CHLSN: variants seen among roughly 807,000 people sequenced by gnomAD.
CHLSN encodes protein cholesin.
chr7:1,080,434 G>A, the CHLSN span, among the ~76,000 whole-genome samples: 4 of 152,174 alleles, frequency 2.6e-5, no homozygotes, highest in Admixed American at 6.5e-5. Flanking sequence ...AGCCAGGCTC[G>A]GAGGCTGCAC....
the CHLSN span, among the ~76,000 whole-genome samples, chr7:991,860 C>T: frequency 1.8e-4 from 27 of 152,318 alleles, no homozygotes; most frequent in Admixed American, 3.9e-4. Flanking sequence ...CTCCGAGTCC[C>T]TCCCCAGTCC....
chr7:1,055,599 G>C, the CHLSN span: 2 of 374,274 alleles, frequency 5.3e-6, no homozygotes, highest in East Asian at 1.5e-4. Context: ...GAGGACGCAG[G>C]GGGTTCTGTA....
chr7:1,078,661 G>C, the CHLSN span, among the ~76,000 whole-genome samples: 60 of 152,338 alleles, frequency 3.9e-4, no homozygotes, highest in Non-Finnish European at 6.6e-4. Context: ...GGGTTGGCTA[G>C]TCTGCAGGAT....
chr7:1,015,572 G>A, the CHLSN span, among the ~76,000 whole-genome samples: 4 of 152,238 alleles, frequency 2.6e-5, no homozygotes, highest in Non-Finnish European at 5.9e-5. Context: ...CCTAAGAAAG[G>A]AGGGCAGAGT....
chr7:1,015,491 G>T, the CHLSN span, among the ~76,000 whole-genome samples: 1 of 152,234 alleles, frequency 6.6e-6, no homozygotes, highest in African/African-American at 2.4e-5. Context: ...TGGACTCAGG[G>T]TTTAGAAAAA....
chr7:1,036,914 G>A, the CHLSN span, among the ~76,000 whole-genome samples: 3,011 of 147,154 alleles, frequency 0.02, 194 homozygotes, highest in African/African-American at 0.058. Context: ...GATGGAGACC[G>A]GCCGGGGCAG....
the CHLSN span, among the ~76,000 whole-genome samples, chr7:1,106,554 G>A: frequency 4.6e-5 from 7 of 152,316 alleles, no homozygotes; most frequent in East Asian, 1.9e-4. Flanking sequence ...GGATTGACAC[G>A]TCAGGAGGAG....
the CHLSN span, among the ~76,000 whole-genome samples, chr7:982,214 C>A: frequency 1.3e-5 from 2 of 152,220 alleles, no homozygotes; most frequent in Non-Finnish European, 2.9e-5. Flanking sequence ...AGCTCCCCAC[C>A]ACAGGAGGCG....
At chr7:1,042,055 A>G in the CHLSN span, among the ~76,000 whole-genome samples, 1 of 151,994 alleles carries the variant, frequency 6.6e-6, no homozygotes, top group Non-Finnish European at 1.5e-5. Context: ...CAGGTGCACA[A>G]CTAGGGCATC....
the CHLSN span, among the ~76,000 whole-genome samples, chr7:1,126,715 G>A: frequency 1.1e-4 from 16 of 152,186 alleles, no homozygotes; most frequent in Non-Finnish European, 2.1e-4. Flanking sequence ...TTTAGGAGAA[G>A]ATGGCTCACG....
chr7:1,049,074 T>C, the CHLSN span, among the ~76,000 whole-genome samples: 1 of 152,176 alleles, frequency 6.6e-6, no homozygotes, highest in Non-Finnish European at 1.5e-5. Context: ...GCCTCCGCGG[T>C]CTGACCCTGT....
chr7:1,060,369 T>A, the CHLSN span, among the ~76,000 whole-genome samples: 1 of 152,190 alleles, frequency 6.6e-6, no homozygotes, highest in Admixed American at 6.5e-5. Flanking sequence ...CCCCACCCCT[T>A]CTGAAGACGG....
At chr7:1,019,116 C>T in the CHLSN span, among the ~76,000 whole-genome samples, 5 of 147,776 alleles carry the variant, frequency 3.4e-5, no homozygotes, top group Non-Finnish European at 7.4e-5. Context: ...TGCTTGAACC[C>T]GCGGGGGGCA....
At chr7:1,105,013 A>C in the CHLSN span, among the ~76,000 whole-genome samples, 1 of 152,234 alleles carries the variant, frequency 6.6e-6, no homozygotes, top group Non-Finnish European at 1.5e-5. Context: ...AGATAATCGC[A>C]GTAGAAGAGA....
At chr7:1,091,478 C>T in the CHLSN span, 926 of 476,268 alleles carry the variant, frequency 1.9e-3, 8 homozygotes, top group Non-Finnish European at 5.6e-4. Flanking sequence ...GCCCGCCGGA[C>T]GAGCACGCGG....
At chr7:1,049,703 A>G in the CHLSN span, among the ~76,000 whole-genome samples, 2 of 152,266 alleles carry the variant, frequency 1.3e-5, no homozygotes, top group East Asian at 3.9e-4. Context: ...ACATTCCCTC[A>G]TGTCAGGTAG....
At chr7:1,027,484 G>C in the CHLSN span, among the ~76,000 whole-genome samples, 1 of 152,222 alleles carries the variant, frequency 6.6e-6, no homozygotes, top group Non-Finnish European at 1.5e-5. Context: ...CTCCTCAGAA[G>C]ATAAAAGACC....
At chr7:1,016,764 C>T in the CHLSN span, among the ~76,000 whole-genome samples, 1 of 83,168 alleles carries the variant, frequency 1.2e-5, no homozygotes, top group African/African-American at 7.5e-5. Flanking sequence ...CACGCCAGCG[C>T]ACAGCGCACA....
the CHLSN span, among the ~76,000 whole-genome samples, chr7:993,414 G>A: frequency 1.3e-5 from 2 of 152,204 alleles, no homozygotes. Flanking sequence ...GAGGCTGCCA[G>A]CGCTCCAGGG....
Sources: gnomAD v4.1 joint callset for allele counts (sites outside exome capture counted in the v4.1 genomes callset) on GRCh38, gnomAD v4.1.1 for gene constraint, MANE v1.5 for transcripts, NCBI Gene and HGNC (gene_info 2026-07-23, HGNC 2026-07-21) for gene names.